Variants in MDGA2 observed in about 807,000 individuals in gnomAD.
MDGA2 encodes the protein MAM domain-containing glycosylphosphatidylinositol anchor protein 2.
In MDGA2, 40 loss-of-function variants were observed where a neutral mutation model predicts 117.8. That is an observed-to-expected ratio of 0.34 (90% CI 0.26 to 0.44). MDGA2 has a LOEUF of 0.44. Among genes scored for constraint, MDGA2 ranks in the 20% least tolerant of loss-of-function variants. The pLI is 1.00. For synonymous variants in MDGA2, 452 were observed against 439.0 expected, an observed-to-expected ratio of 1.03 and a Z score of -0.37; for missense variants, 1,123 against 1,250.6, an observed-to-expected ratio of 0.90 and a Z score of 1.54.
At chr14:46,878,616 T>C (rs535626375) in intron 11 of MDGA2, among the ~76,000 whole-genome samples, 1 of 152,196 alleles carries the variant, frequency 6.6e-6, no homozygotes, top group East Asian at 1.9e-4. Flanking sequence ...TTCCCATTAC[T>C]GTAGTTGTTT....
chr14:46,976,443 G>C (rs938100602), intron 8 of MDGA2, among the ~76,000 whole-genome samples: 13 of 151,880 alleles, frequency 8.6e-5, no homozygotes, highest in African/African-American at 1.7e-4. Flanking sequence ...TATTTGATGT[G>C]ACTTCATACT....
intron 10 of MDGA2, among the ~76,000 whole-genome samples, chr14:46,906,742 A>G (rs1416934702): frequency 1.3e-5 from 2 of 152,110 alleles, no homozygotes; most frequent in Non-Finnish European, 2.9e-5. Flanking sequence ...ATATTCCCAC[A>G]GTCTAGACTA....
At chr14:46,917,440 G>A (rs1883944998) in intron 10 of MDGA2, among the ~76,000 whole-genome samples, 1 of 152,072 alleles carries the variant, frequency 6.6e-6, no homozygotes, top group Admixed American at 6.5e-5. Flanking sequence ...TGCCTGACAG[G>A]TATAATCTTC....
At chr14:47,021,480 G>C (rs1320188763) in intron 8 of MDGA2, among the ~76,000 whole-genome samples, 3 of 152,032 alleles carry the variant, frequency 2.0e-5, no homozygotes, top group African/African-American at 7.2e-5. Context: ...ATGCAACAAA[G>C]CCAAGTATAT....
chr14:47,008,068 A>G (rs1289725212), intron 8 of MDGA2, among the ~76,000 whole-genome samples: 2 of 151,908 alleles, frequency 1.3e-5, no homozygotes, highest in African/African-American at 4.8e-5. Flanking sequence ...AATGGTAACC[A>G]GTAGTGAACT....
chr14:47,558,137 C>G (rs1895721100), intron 1 of MDGA2, among the ~76,000 whole-genome samples: 1 of 152,064 alleles, frequency 6.6e-6, no homozygotes, highest in African/African-American at 2.4e-5. Context: ...AATGCCAGAG[C>G]ACCTAGAAAA....
At chr14:47,666,175 G>GTATC (rs1300209045) in intron 1 of MDGA2, among the ~76,000 whole-genome samples, 1 of 150,830 alleles carries the variant, frequency 6.6e-6, no homozygotes, top group Admixed American at 6.6e-5. Flanking sequence ...TCGGCACTCT[G>GTATC]TATCTAGCTA....
intron 8 of MDGA2, among the ~76,000 whole-genome samples, chr14:46,958,235 C>T (rs1381930918): frequency 6.6e-6 from 1 of 152,006 alleles, no homozygotes; most frequent in Non-Finnish European, 1.5e-5. Context: ...GGTGAGTAAG[C>T]AGTAAGAGAA....
rs549858192 is a variant in MDGA2 at position 47,409,100 on chromosome 14, G to C, written c.281-107550C>G. Among the ~76,000 whole-genome samples, 3 of 152,086 alleles carry C rather than the reference G, an allele frequency of 2.0e-5. No homozygotes were observed. In the South Asian group the frequency reaches 6.2e-4, roughly 31 times the overall value. On this transcript the variant is annotated intron_variant, in intron 1 of 16. Coordinates refer to ENST00000399232, the MANE Select transcript of MDGA2 (RefSeq NM_001113498.3). ...GGGGGGGACTGGATCATGGCCCTTG[G>C]AAACTTTAACTTTTACTATGAGTGA...
At chr14:47,489,754 T>C (rs1256336514) in intron 1 of MDGA2, among the ~76,000 whole-genome samples, 4 of 152,076 alleles carry the variant, frequency 2.6e-5, no homozygotes, top group Non-Finnish European at 5.9e-5. Context: ...ATGCAAGTAC[T>C]CAATGAAAGA....
chr14:47,027,043 C>G (rs1038309205), intron 8 of MDGA2, among the ~76,000 whole-genome samples: 1 of 151,866 alleles, frequency 6.6e-6, no homozygotes, highest in Non-Finnish European at 1.5e-5. Flanking sequence ...CATGGTGGCT[C>G]ACACCTGTAA....
At chr14:47,088,836 TAC>T (rs1447607932) in intron 6 of MDGA2, among the ~76,000 whole-genome samples, 4 of 152,174 alleles carry the variant, frequency 2.6e-5, no homozygotes, top group Non-Finnish European at 5.9e-5. Flanking sequence ...AAAAGTTTTG[TAC>T]AGTCATTTGT....
At chr14:46,893,285 TAAAAC>T (rs1315234173) in intron 10 of MDGA2, among the ~76,000 whole-genome samples, 1 of 151,826 alleles carries the variant, frequency 6.6e-6, no homozygotes, top group East Asian at 1.9e-4. Flanking sequence ...ATGTGGAATC[TAAAAC>T]AAAACAAAAC....
chr14:47,270,797 C>T (rs896539501), intron 2 of MDGA2, among the ~76,000 whole-genome samples: 4 of 152,140 alleles, frequency 2.6e-5, no homozygotes, highest in Admixed American at 6.6e-5. Context: ...TGTGTGGGCA[C>T]GTGAGCACAC....
chr14:47,455,919 C>G (rs537661112), intron 1 of MDGA2, among the ~76,000 whole-genome samples: 1 of 152,042 alleles, frequency 6.6e-6, no homozygotes, highest in Non-Finnish European at 1.5e-5. Flanking sequence ...ATCGCTTGAA[C>G]CTGGGAAGTG....
At chr14:47,414,871 A>G (rs1892443867) in intron 1 of MDGA2, among the ~76,000 whole-genome samples, 3 of 152,152 alleles carry the variant, frequency 2.0e-5, no homozygotes, top group Admixed American at 1.3e-4. Flanking sequence ...TCTTAAAATT[A>G]ATGTAATCAT....
intron 8 of MDGA2, among the ~76,000 whole-genome samples, chr14:46,990,864 ACC>A (rs1431923801): frequency 1.8e-4 from 11 of 61,122 alleles, no homozygotes; most frequent in South Asian, 6.6e-4. Flanking sequence ...ACACACACAC[ACC>A]CACACACACA....
At chr14:46,959,510 T>A (rs1001384557) in intron 8 of MDGA2, among the ~76,000 whole-genome samples, 5 of 150,220 alleles carry the variant, frequency 3.3e-5, no homozygotes, top group Non-Finnish European at 7.4e-5. Context: ...TTTTTTAGGA[T>A]TTTTTTTAAG....
At chr14:47,334,291 TAC>T (rs1890378209) in intron 1 of MDGA2, among the ~76,000 whole-genome samples, 1 of 151,932 alleles carries the variant, frequency 6.6e-6, no homozygotes, top group Non-Finnish European at 1.5e-5. Flanking sequence ...AACACAATTA[TAC>T]ATTCATTATT....
Sources: gnomAD v4.1 joint callset for allele counts (sites outside exome capture counted in the v4.1 genomes callset) on GRCh38, gnomAD v4.1.1 for gene constraint, MANE v1.5 for transcripts, NCBI Gene and HGNC (gene_info 2026-07-23, HGNC 2026-07-21) for gene names.